Variants in MAP2K4 observed in about 807,000 individuals in gnomAD.
MAP2K4 encodes the protein dual specificity mitogen-activated protein kinase kinase 4.
MAP2K4 carries 4 observed loss-of-function variants against 48.5 expected under a neutral mutation model. That is an observed-to-expected ratio of 0.08 (90% CI 0.04 to 0.19). MAP2K4 has a LOEUF of 0.19. Ranked by LOEUF, MAP2K4 falls within the 10% of genes least tolerant of loss-of-function variation. The pLI is 1.00. For synonymous variants in MAP2K4, 166 were observed against 173.1 expected, an observed-to-expected ratio of 0.96 and a Z score of 0.32; for missense variants, 258 against 493.3, an observed-to-expected ratio of 0.52 and a Z score of 4.52.
At chr17:12,111,139 C>T (rs1306723134) in intron 6 of MAP2K4, among the ~76,000 whole-genome samples, 1 of 152,080 alleles carries the variant, frequency 6.6e-6, no homozygotes, top group Non-Finnish European at 1.5e-5. Flanking sequence ...AACGGAAAAA[C>T]CTGACAGTAA....
rs550083650 is a variant in MAP2K4 at position 12,035,734 on chromosome 17, G to GA, written c.115+14734dup. Among the ~76,000 whole-genome samples, 320 of 152,296 alleles carry GA rather than the reference G, an allele frequency of 2.1e-3. 1 individual carries two copies. The highest frequency in any genetic ancestry group is 3.3e-3 in the Non-Finnish European group (225 of 68,026). ...TAGTTGTAGGAGGGTATGGGGCAAAGAGCATGAAATTAGATATCATTCAAG... is the reference window on the plus strand; with the variant it reads ...TAGTTGTAGGAGGGTATGGGGCAAAGAAGCATGAAATTAGATATCATTCAAG... On this transcript the variant is annotated intron_variant, in intron 1 of 10. Coordinates refer to ENST00000353533, the MANE Select transcript of MAP2K4 (RefSeq NM_003010.4).
intron 1 of MAP2K4, chr17:12,036,446 T>G (rs576318334): frequency 6.6e-6 from 1 of 152,220 alleles, no homozygotes; most frequent in African/African-American, 2.4e-5. Flanking sequence ...GAATATGACT[T>G]ACTTGCTTTA....
Position 12,132,962 on chromosome 17 carries a change from A to G in MAP2K4, c.1040+3675A>G, listed in dbSNP as rs377631355. Among the ~76,000 whole-genome samples the G allele has an allele frequency of 2.1e-4, 32 of 152,340 alleles. No homozygotes were observed. The East Asian group carries it at 6.0e-3, about 28-fold the overall frequency. ...GTTGCACAGTGAATTTCGACATGGC[A>G]TTCTGGAGATGTATAGAAATTCTAG... On this transcript the variant is annotated intron_variant, in intron 9 of 10. Transcript: ENST00000353533.
chr17:12,035,534 A>C (rs548967076), intron 1 of MAP2K4, among the ~76,000 whole-genome samples: 1 of 152,242 alleles, frequency 6.6e-6, no homozygotes, highest in Admixed American at 6.5e-5. Flanking sequence ...ATAAATAAAT[A>C]ACTCCATATC....
At chr17:12,132,474 T>C (rs545134077) in intron 9 of MAP2K4, among the ~76,000 whole-genome samples, 38 of 152,312 alleles carry the variant, frequency 2.5e-4, no homozygotes, top group African/African-American at 9.1e-4. Context: ...GAAAGCAGTA[T>C]GTATGGTTCT....
intron 1 of MAP2K4, among the ~76,000 whole-genome samples, chr17:12,029,418 A>G (rs749986350): frequency 6.6e-5 from 10 of 152,212 alleles, no homozygotes; most frequent in Non-Finnish European, 1.2e-4. Context: ...AAAAAGACTC[A>G]AATTTACCCC....
rs1970699111 is a variant in MAP2K4, at chr17:12,068,844, T to C, written c.219-12512T>C. On this transcript the variant is annotated intron_variant, in intron 2 of 10. Transcript: ENST00000353533. ...GTATCACATACTCTGGTGTTGAAAATATGAGTCTGGTGCCAGAAGTGAAGT... is the reference window on the plus strand; with the variant it reads ...GTATCACATACTCTGGTGTTGAAAACATGAGTCTGGTGCCAGAAGTGAAGT... Among the ~76,000 whole-genome samples, 7 of 152,052 alleles carry C rather than the reference T, an allele frequency of 4.6e-5. No homozygotes were observed. In the South Asian group the frequency reaches 1.2e-3, roughly 27 times the overall value.
At chr17:12,113,392 T>C (rs992165480) in intron 7 of MAP2K4, 32 bp downstream of exon 7, 2 of 1,609,006 alleles carry the variant, frequency 1.2e-6, no homozygotes, top group Non-Finnish European at 1.7e-6. Flanking sequence ...TCTTGCTTGA[T>C]AGTCATTGCA....
chr17:12,135,390 G>C (rs748189961), intron 9 of MAP2K4, among the ~76,000 whole-genome samples: 4 of 151,358 alleles, frequency 2.6e-5, no homozygotes, highest in Non-Finnish European at 4.4e-5. Flanking sequence ...GGCCCACCTG[G>C]CTAATTTCTT....
intron 2 of MAP2K4, among the ~76,000 whole-genome samples, chr17:12,066,695 AT>A (rs1052422355): frequency 5.5e-4 from 81 of 147,138 alleles, no homozygotes; most frequent in East Asian, 1.4e-3. Flanking sequence ...CACATGGCTA[AT>A]TTTTTTTTTT....
chr17:12,136,812 A>G (rs898527906), intron 9 of MAP2K4, among the ~76,000 whole-genome samples: 2 of 152,232 alleles, frequency 1.3e-5, no homozygotes, highest in African/African-American at 2.4e-5. Context: ...AAAGAAAGCA[A>G]ACCTCTGTGT....
At chr17:12,058,086 T>G (rs1488850065) in intron 2 of MAP2K4, among the ~76,000 whole-genome samples, 1 of 152,160 alleles carries the variant, frequency 6.6e-6, no homozygotes, top group African/African-American at 2.4e-5. Context: ...CCAGGAATAT[T>G]ACCAATGCTA....
At chr17:12,087,155 T>C (rs2151553769) in intron 3 of MAP2K4, among the ~76,000 whole-genome samples, 1 of 152,246 alleles carries the variant, frequency 6.6e-6, no homozygotes, top group African/African-American at 2.4e-5. Context: ...GCCAAAAACC[T>C]GTCTTACCAT....
chr17:12,073,955 G>T (rs1281005800), intron 2 of MAP2K4, among the ~76,000 whole-genome samples: 2 of 151,914 alleles, frequency 1.3e-5, no homozygotes, highest in African/African-American at 4.8e-5. Flanking sequence ...TGTATTTTTA[G>T]TAGAGACGGG....
At chr17:12,040,658 TC>T (rs1435231561) in intron 1 of MAP2K4, among the ~76,000 whole-genome samples, 1 of 152,188 alleles carries the variant, frequency 6.6e-6, no homozygotes, top group Non-Finnish European at 1.5e-5. Context: ...AATGCTCAGA[TC>T]CTTCAGGGCA....
intron 6 of MAP2K4, chr17:12,110,886 A>T (rs868585339): frequency 6.4e-6 from 1 of 155,732 alleles, no homozygotes; most frequent in African/African-American, 2.4e-5. Context: ...ATAAGTTGAA[A>T]TTTCTCTAAA....
chr17:12,071,128 A>T (rs1225472444), intron 2 of MAP2K4, among the ~76,000 whole-genome samples: 1 of 152,092 alleles, frequency 6.6e-6, no homozygotes, highest in Non-Finnish European at 1.5e-5. Flanking sequence ...TCCTATAAGG[A>T]TAGTTATTTT....
At chr17:12,088,072 A>G (rs972171557) in intron 3 of MAP2K4, among the ~76,000 whole-genome samples, 1 of 152,150 alleles carries the variant, frequency 6.6e-6, no homozygotes, top group Non-Finnish European at 1.5e-5. Context: ...GGATTTTCCA[A>G]CTTTGGTTTC....
chr17:12,041,811 G>A (rs1969793605), intron 1 of MAP2K4, among the ~76,000 whole-genome samples: 1 of 152,180 alleles, frequency 6.6e-6, no homozygotes, highest in East Asian at 1.9e-4. Context: ...CCTATTAAAT[G>A]ACAGGTGCTG....
Sources: gnomAD v4.1 joint callset for allele counts (sites outside exome capture counted in the v4.1 genomes callset) on GRCh38, gnomAD v4.1.1 for gene constraint, MANE v1.5 for transcripts, NCBI Gene and HGNC (gene_info 2026-07-23, HGNC 2026-07-21) for gene names.